The following TRIM44 variants were observed in gnomAD, a reference collection of about 807,000 sequenced individuals.
TRIM44 encodes tripartite motif containing 44, also known as tripartite motif-containing protein 44.
A neutral mutation model predicts 37.4 loss-of-function variants in TRIM44; 13 were observed. That is an observed-to-expected ratio of 0.35 (90% CI 0.23 to 0.55). TRIM44 has a LOEUF of 0.55. Among genes scored for constraint, TRIM44 ranks in the 20% least tolerant of loss-of-function variants. The probability of loss-of-function intolerance (pLI) is 0.89; values close to 1 mark genes in which losing one functional copy is unlikely to be tolerated. For synonymous variants in TRIM44, 175 were observed against 157.2 expected (o/e 1.11, Z -0.85); for missense variants, 426 against 437.2 (o/e 0.97, Z 0.23).
chr11:35,766,693 C>A (rs1211302939), intron 4 of TRIM44, among the ~76,000 whole-genome samples: 1 of 152,186 alleles, frequency 6.6e-6, no homozygotes. Flanking sequence ...ATGAGAAAAA[C>A]CAAGAATTTG....
Position 35,817,056 on chromosome 11 carries a change from A to G in TRIM44, c.*10671A>G, listed in dbSNP as rs931833756. The G allele has an allele frequency of 6.6e-6, 1 of 152,210 alleles. No homozygotes were observed. Among genetic ancestry groups the G allele is most frequent in the African/African-American group, 2.4e-5 (1 of 41,444 alleles). 9.4% of individuals were successfully genotyped at this position (152,210 alleles called of 1,614,324 possible). A position where few individuals can be genotyped will look rare whatever the true frequency, so the allele number is the denominator to read the frequency against. On this transcript the variant is annotated 3_prime_UTR_variant, in exon 5 of 5. Coordinates refer to ENST00000299413, the MANE Select transcript of TRIM44 (RefSeq NM_017583.6). ...ATGTCTGTAACTCTTTGAAGGTTGT[A>G]TTAGTCGTTTGCTCCTATATTACTA... is the stretch of plus-strand genomic sequence containing the variant.
chr11:35,674,749 A>G (rs1851440425), intron 1 of TRIM44, among the ~76,000 whole-genome samples: 1 of 152,252 alleles, frequency 6.6e-6, no homozygotes, highest in Non-Finnish European at 1.5e-5. Context: ...ACGAAGAAGA[A>G]TAAGCAAAGT....
intron 2 of TRIM44, among the ~76,000 whole-genome samples, chr11:35,720,002 T>C (rs1272969225): frequency 6.6e-6 from 1 of 152,296 alleles, no homozygotes; most frequent in African/African-American, 2.4e-5. Context: ...TCTTCTTCAA[T>C]ATTGGGTTGA....
At chr11:35,675,585 G>A (rs762600828) in intron 1 of TRIM44, among the ~76,000 whole-genome samples, 8 of 152,272 alleles carry the variant, frequency 5.3e-5, no homozygotes, top group African/African-American at 1.9e-4. Flanking sequence ...GGAGTGGCAC[G>A]ATGTCGGCTC....
chr11:35,756,305 T>C (rs995547274), intron 4 of TRIM44, among the ~76,000 whole-genome samples: 3 of 152,032 alleles, frequency 2.0e-5, no homozygotes, highest in African/African-American at 4.8e-5. Context: ...GGCTCTCTGT[T>C]TGTCTGTTAT....
chr11:35,812,150 A>G lies in TRIM44; in HGVS notation c.*5765A>G, dbSNP rs1853534589. 2 of 152,168 alleles carry G rather than the reference A, an allele frequency of 1.3e-5. No individual in the cohort carries two copies. The highest frequency in any genetic ancestry group is 2.9e-5 in the Non-Finnish European group (2 of 68,032). 9.4% of individuals were successfully genotyped at this position (152,168 alleles called of 1,614,324 possible). On this transcript the variant is annotated 3_prime_UTR_variant, in exon 5 of 5. Transcript: ENST00000299413. ...TGTTTTATCTTTCCCTCTGAAAGCT[A>G]CAACTCTATATTTTATTTTATTACT...
In TRIM44 at chr11:35,734,356, C is replaced by T. The variant is rs554677953; in HGVS notation, c.988-1070C>T. Among the ~76,000 whole-genome samples, 5 of 152,278 alleles carry T rather than the reference C, an allele frequency of 3.3e-5. No individual in the cohort carries two copies. In the East Asian group the frequency reaches 9.6e-4, roughly 29 times the overall value. ...TATGATACAGAGACAATTATTACCC[C>T]ATTTTACAAATTAGGAAATTGAAGT... On this transcript the variant is annotated intron_variant, in intron 3 of 4. Transcript: ENST00000299413.
rs1360223946 is a variant in TRIM44, at chr11:35,797,382, T to C, written c.1008-8976T>C. ...ATTCCACATAATGTATGTAGATATT[T>C]CACCCTCAAGGAGAGGGAACGTAAC... On this transcript the variant is annotated intron_variant, in intron 4 of 4. Transcript: ENST00000299413. Among the ~76,000 whole-genome samples, 3 of 152,214 alleles carry C rather than the reference T, an allele frequency of 2.0e-5. No homozygotes were observed. In the East Asian group the frequency reaches 5.8e-4, roughly 29 times the overall value.
intron 2 of TRIM44, among the ~76,000 whole-genome samples, chr11:35,702,504 C>A (rs1298138867): frequency 6.6e-6 from 1 of 152,156 alleles, no homozygotes; most frequent in African/African-American, 2.4e-5. Context: ...AAGGAGAACG[C>A]ATCTTTATTG....
At chr11:35,737,417 C>T (rs1028357943) in intron 4 of TRIM44, among the ~76,000 whole-genome samples, 4 of 152,046 alleles carry the variant, frequency 2.6e-5, no homozygotes, top group Non-Finnish European at 5.9e-5. Context: ...CACAGTGATG[C>T]GCACCTATAA....
rs527363841 is a variant in TRIM44, at chr11:35,811,100, T to C, written c.*4715T>C. 1.4e-4 allele frequency: 22 copies of C among 152,234 alleles called. No homozygotes were observed. Among genetic ancestry groups the C allele is most frequent in the African/African-American group, 3.6e-4 (15 of 41,536 alleles). The allele number at this position is 152,234 out of a possible 1,614,324, so 9.4% of individuals were successfully genotyped here. A position where few individuals can be genotyped will look rare whatever the true frequency, so the allele number is the denominator to read the frequency against. On this transcript the variant is annotated 3_prime_UTR_variant, in exon 5 of 5. Coordinates refer to ENST00000299413, the MANE Select transcript of TRIM44 (RefSeq NM_017583.6). ...CAAAGGACCCTGCAAGGTGTAAATA[T>C]TTATGACGAGCTGCATACTTGACTG...
At chr11:35,735,563 C>A in intron 4 of TRIM44, 118 bp downstream of exon 4, 1 of 1,004,206 alleles carries the variant, frequency 1.0e-6, no homozygotes, top group Admixed American at 1.9e-5. Flanking sequence ...GGATCTCTAT[C>A]TTAAGCCTGG....
At chr11:35,767,520 G>T (rs1852813216) in intron 4 of TRIM44, among the ~76,000 whole-genome samples, 1 of 151,932 alleles carries the variant, frequency 6.6e-6, no homozygotes, top group Non-Finnish European at 1.5e-5. Context: ...TCTTTTCTGT[G>T]GTTGTATTAT....
intron 4 of TRIM44, among the ~76,000 whole-genome samples, chr11:35,794,436 G>T (rs1853255484): frequency 6.6e-6 from 1 of 152,210 alleles, no homozygotes; most frequent in African/African-American, 2.4e-5. Context: ...TTGTTCTTCA[G>T]GTTTCTTTGT....
At chr11:35,792,111 A>ACACACACACACACACACACACACT (rs796092540) in intron 4 of TRIM44, among the ~76,000 whole-genome samples, 119 of 114,324 alleles carry the variant, frequency 1.0e-3, no homozygotes, top group Admixed American at 3.8e-3. Flanking sequence ...ACACACACAC[A>ACACACACACACACACACACACACT]CTCTCTCTCA....
chr11:35,705,233 C>T (rs1156277737), intron 2 of TRIM44, among the ~76,000 whole-genome samples: 1 of 151,478 alleles, frequency 6.6e-6, no homozygotes, highest in Admixed American at 6.6e-5. Flanking sequence ...ATATATGCAC[C>T]CAATACAGGA....
At chr11:35,755,775 T>C (rs1223788351) in intron 4 of TRIM44, among the ~76,000 whole-genome samples, 1 of 152,178 alleles carries the variant, frequency 6.6e-6, no homozygotes, top group African/African-American at 2.4e-5. Context: ...CTTTCCCCAT[T>C]GCTTGTTTTT....
chr11:35,786,540 A>C (rs1392370825), intron 4 of TRIM44, among the ~76,000 whole-genome samples: 1 of 152,150 alleles, frequency 6.6e-6, no homozygotes, highest in Non-Finnish European at 1.5e-5. Flanking sequence ...TCACAGTCCC[A>C]CCCAGCCTTC....
intron 4 of TRIM44, among the ~76,000 whole-genome samples, chr11:35,800,599 G>A (rs570864229): frequency 4.6e-5 from 7 of 152,114 alleles, no homozygotes; most frequent in African/African-American, 7.2e-5. Context: ...CTTCCCACTC[G>A]ACCCAGGAGG....
Sources: allele counts gnomAD v4.1 joint callset (sites outside exome capture counted in the v4.1 genomes callset), GRCh38; gene constraint gnomAD v4.1.1; transcripts MANE v1.5; gene names NCBI Gene and HGNC (gene_info 2026-07-23, HGNC 2026-07-21).